RYR2: variants seen among roughly 807,000 people sequenced by gnomAD.
RYR2 encodes the protein cardiac muscle ryanodine receptor-calcium release channel.
Under a neutral mutation model 601.1 loss-of-function variants are expected in RYR2, and 227 were observed. That is an observed-to-expected ratio of 0.38 (90% CI 0.34 to 0.42). The LOEUF (loss-of-function observed/expected upper bound fraction) is 0.42. RYR2 is among the 10% of genes least tolerant of loss of function. The pLI is 1.00. For missense variants in RYR2, 4,646 were observed against 6,156.5 expected (o/e 0.75, Z 8.21); for synonymous variants, 2,223 against 2,175.1 (o/e 1.02, Z -0.61).
At chr1:237,195,635 A>G (rs1175293323) in intron 1 of RYR2, among the ~76,000 whole-genome samples, 2 of 152,204 alleles carry the variant, frequency 1.3e-5, no homozygotes, top group East Asian at 3.8e-4. Flanking sequence ...ATGTATGCAT[A>G]TATTGAAGGA....
chr1:237,425,711 C>T lies in RYR2; in HGVS notation c.1005+2463C>T, dbSNP rs189682465. Among the ~76,000 whole-genome samples the T allele has an allele frequency of 2.3e-3, 348 of 151,650 alleles. 1 individual carries two copies. The highest frequency in any genetic ancestry group is 8.0e-3 in the African/African-American group (333 of 41,390). ...AAGTGGACCATCAACAAAATTGGTCCTTGTTTTCATGTTGTGTAGGCTGAG... is the reference window on the plus strand; with the variant it reads ...AAGTGGACCATCAACAAAATTGGTCTTTGTTTTCATGTTGTGTAGGCTGAG... On this transcript the variant is annotated intron_variant, in intron 12 of 104. Coordinates refer to ENST00000366574, the MANE Select transcript of RYR2 (RefSeq NM_001035.3).
At chr1:237,216,863 C>T (rs1239145191) in intron 1 of RYR2, among the ~76,000 whole-genome samples, 1 of 151,974 alleles carries the variant, frequency 6.6e-6, no homozygotes, top group Non-Finnish European at 1.5e-5. Flanking sequence ...AAGTTAGGGT[C>T]TGAGTAGCAC....
chr1:237,329,405 G>GC (rs899149032), intron 2 of RYR2, among the ~76,000 whole-genome samples: 1 of 152,002 alleles, frequency 6.6e-6, no homozygotes, highest in Non-Finnish European at 1.5e-5. Context: ...ACTTTGGGAG[G>GC]CCGAGGTGGG....
intron 11 of RYR2, among the ~76,000 whole-genome samples, chr1:237,422,138 CT>C (rs1705663842): frequency 6.6e-6 from 1 of 152,148 alleles, no homozygotes; most frequent in South Asian, 2.1e-4. Context: ...ATGGTTAAAG[CT>C]CCTAAATACA....
intron 60 of RYR2, among the ~76,000 whole-genome samples, 161 bp from the exon 61 acceptor site, chr1:237,677,887 A>G (rs1364104869): frequency 6.6e-6 from 1 of 152,146 alleles, no homozygotes; most frequent in Non-Finnish European, 1.5e-5. Flanking sequence ...TTTTATTTTT[A>G]ATGACACTGC....
rs1260539665 is a variant in RYR2, at chr1:237,209,516, T to TGTGTGTGTGTGTA, written c.49-60981_49-60980insGTGTGTGTGTGTA. ...GCATATATGTGTGTGTGTGTGTGTA[T>TGTGTGTGTGTGTA]TTTTTTTTTTTCTTTGGGAAGTGTG... On this transcript the variant is annotated intron_variant, in intron 1 of 104. Coordinates refer to ENST00000366574, the MANE Select transcript of RYR2 (RefSeq NM_001035.3). 1.6e-3 allele frequency among the ~76,000 whole-genome samples: 232 copies of TGTGTGTGTGTGTA among 148,064 alleles called. 1 individual carries two copies. Among genetic ancestry groups the TGTGTGTGTGTGTA allele is most frequent in the African/African-American group, 5.1e-3 (204 of 40,206 alleles).
At chr1:237,581,176 A>G (rs749073002) in intron 29 of RYR2, among the ~76,000 whole-genome samples, 1 of 152,236 alleles carries the variant, frequency 6.6e-6, no homozygotes, top group Non-Finnish European at 1.5e-5. Context: ...AGTTTATGGT[A>G]AAAGAACGGT....
intron 3 of RYR2, 90 bp from the exon 4 acceptor site, chr1:237,355,875 A>G (rs1195309839): frequency 8.4e-7 from 1 of 1,193,452 alleles, no homozygotes. Context: ...GCAAGGACCA[A>G]ATTGATATCA....
intron 1 of RYR2, among the ~76,000 whole-genome samples, chr1:237,056,482 GACTGCACCTGTGAGGACTGGAGC>G (rs1371363454): frequency 3.8e-5 from 5 of 132,770 alleles, no homozygotes; most frequent in Admixed American, 3.1e-4. Flanking sequence ...GAGGACTAGA[GACTGCACCTGTGAGGACTGGAGC>G]ACTGCACCTG....
intron 1 of RYR2, among the ~76,000 whole-genome samples, chr1:237,104,588 G>T (rs996051647): frequency 6.6e-6 from 1 of 151,916 alleles, no homozygotes; most frequent in African/African-American, 2.4e-5. Context: ...TTCTTTGCCC[G>T]GCAAATTCTA....
chr1:237,612,037 T>G (rs1324664029), intron 36 of RYR2, among the ~76,000 whole-genome samples: 1 of 152,114 alleles, frequency 6.6e-6, no homozygotes, highest in Non-Finnish European at 1.5e-5. Flanking sequence ...CACCAGCTTA[T>G]GAGTCAATAA....
chr1:237,403,502 T>C (rs902154281), intron 10 of RYR2, among the ~76,000 whole-genome samples: 8 of 152,214 alleles, frequency 5.3e-5, no homozygotes, highest in African/African-American at 1.9e-4. Context: ...CACTGCAGCC[T>C]CAACCCCCTG....
intron 33 of RYR2, among the ~76,000 whole-genome samples, chr1:237,594,572 G>C (rs1675591903): frequency 6.6e-6 from 1 of 152,158 alleles, no homozygotes; most frequent in African/African-American, 2.4e-5. Flanking sequence ...TCAATATAGG[G>C]ATGGGATAAC....
chr1:237,199,493 G>A (rs372674181), intron 1 of RYR2, among the ~76,000 whole-genome samples: 2 of 152,334 alleles, frequency 1.3e-5, no homozygotes, highest in East Asian at 3.9e-4. Flanking sequence ...GACTCAGCAA[G>A]TCTTGTCTTT....
chr1:237,311,827 G>A (rs183823889), intron 2 of RYR2, among the ~76,000 whole-genome samples: 63 of 152,262 alleles, frequency 4.1e-4, no homozygotes, highest in African/African-American at 1.4e-3. Flanking sequence ...AATAGTGGAA[G>A]ATAAAAAGTC....
intron 49 of RYR2, 149 bp from the exon 50 acceptor site, chr1:237,649,728 C>A (rs1285176552): frequency 1.6e-6 from 1 of 641,948 alleles, no homozygotes; most frequent in South Asian, 2.3e-5. Context: ...ATGAACCCGA[C>A]ACTTAAAGAT....
At chr1:237,418,376 G>T (rs1705224674) in intron 11 of RYR2, among the ~76,000 whole-genome samples, 1 of 152,110 alleles carries the variant, frequency 6.6e-6, no homozygotes. Flanking sequence ...TTTATTTTGA[G>T]ATTATTGCCT....
At chr1:237,798,223 T>G (rs1185070045) in intron 97 of RYR2, 53 bp downstream of exon 97, 2 of 1,519,462 alleles carry the variant, frequency 1.3e-6, no homozygotes, top group Non-Finnish European at 1.8e-6. Context: ...GGGGAAAACA[T>G]TAATACATTT....
intron 1 of RYR2, among the ~76,000 whole-genome samples, chr1:237,114,023 G>C (rs1669793951): frequency 6.6e-6 from 1 of 152,172 alleles, no homozygotes; most frequent in Non-Finnish European, 1.5e-5. Flanking sequence ...CTAGTACATG[G>C]TCACCTGGGC....
Sources: allele counts gnomAD v4.1 joint callset (sites outside exome capture counted in the v4.1 genomes callset), GRCh38; gene constraint gnomAD v4.1.1; transcripts MANE v1.5; gene names NCBI Gene and HGNC (gene_info 2026-07-23, HGNC 2026-07-21).